The following OTOG variants were observed in gnomAD, a reference collection of about 807,000 sequenced individuals.
OTOG encodes otogelin.
Under a neutral mutation model 313.8 loss-of-function variants are expected in OTOG, and 296 were observed. That is an observed-to-expected ratio of 0.94 (90% CI 0.86 to 1.04). OTOG has a LOEUF of 1.04. Ranked by LOEUF, OTOG falls within the 50% of genes least tolerant of loss-of-function variation. The pLI is 0.00. For synonymous variants in OTOG, 1,533 were observed against 1,554.9 expected, an observed-to-expected ratio of 0.99 and a Z score of 0.33; for missense variants, 3,948 against 3,840.1, an observed-to-expected ratio of 1.03 and a Z score of -0.74.
chr11:17,626,099 T>C (rs943943852), intron 39 of OTOG, among the ~76,000 whole-genome samples: 4 of 152,212 alleles, frequency 2.6e-5, no homozygotes, highest in Admixed American at 2.6e-4. Flanking sequence ...TTGTCGAAAA[T>C]GAGTTCACTG....
In OTOG at chr11:17,569,058, T is replaced by G. The variant is rs1852350567; in HGVS notation, c.1645-98T>G. The G allele has an allele frequency of 2.3e-5, 32 of 1,373,304 alleles. 2 individuals carry two copies. In the South Asian group the frequency reaches 4.4e-4, roughly 19 times the overall value. 85.1% of individuals were successfully genotyped at this position (1,373,304 alleles called of 1,614,324 possible). On this transcript the variant is annotated intron_variant, in intron 15 of 55. Coordinates refer to ENST00000399397, the MANE Select transcript of OTOG (RefSeq NM_001292063.2). ...TGTCTGTCATTCTGAGGAAACTGTC[T>G]CTCAAGCTGGGCTGGGGTCTCTGTC...
At chr11:17,576,798 C>T in intron 21 of OTOG, 70 bp from the exon 22 acceptor site, 1 of 1,529,768 alleles carries the variant, frequency 6.5e-7, no homozygotes, top group South Asian at 1.2e-5. Context: ...GACCCGAGTG[C>T]AGCAACATGG....
chr11:17,639,917 ATGG>A lies in OTOG; in HGVS notation c.7935+466_7935+468del, dbSNP rs150678636. Among the ~76,000 whole-genome samples, 26 of 138,096 alleles carry A rather than the reference ATGG, an allele frequency of 1.9e-4. No homozygotes were observed. The East Asian group carries it at 4.4e-3, about 23-fold the overall frequency. 90.6% of individuals were successfully genotyped at this position (138,096 alleles called of 152,430 possible). On this transcript the variant is annotated intron_variant, in intron 49 of 55. Coordinates refer to ENST00000399397, the MANE Select transcript of OTOG (RefSeq NM_001292063.2). ...GATGATGGTGGTGGTGATGGTGAGG[ATGG>A]TGGTGGTGGTGATGGTGATAATGCA...
At position 17,608,350 on chromosome 11, in the gene OTOG, G is replaced by C; in HGVS notation, c.4211G>C (p.Cys1404Ser). The C allele has an allele frequency of 6.5e-7, 1 of 1,547,758 alleles. No homozygotes were observed. The highest frequency in any genetic ancestry group is 8.7e-7 in the Non-Finnish European group (1 of 1,145,920). ...ATCTGCGAGTGGCGCTACGATGCCT[G>C]TGCCAGCCCCTGCTTCCAAACCTGC... ...YPICEWRYDACASPCFQTCRD... is the reference protein window; with the variant it reads ...YPICEWRYDASASPCFQTCRD... Residue 1404 changes from cysteine (C) to serine (S), a missense_variant, in exon 34 of 56, where the codon TGT becomes TCT. Cys to Ser is a moderately radical substitution (Grantham distance 112, BLOSUM62 -1). Coordinates refer to ENST00000399397, the MANE Select transcript of OTOG (RefSeq NM_001292063.2).
At chr11:17,578,552 C>A in intron 23 of OTOG, 26 bp downstream of exon 23, 3 of 1,500,458 alleles carry the variant, frequency 2.0e-6, no homozygotes, top group Non-Finnish European at 2.7e-6. Context: ...GTCGTGGGCC[C>A]GTGATCCTGA....
chr11:17,633,556 A>T (rs1341096331), intron 42 of OTOG, 124 bp from the exon 43 acceptor site: 15 of 893,890 alleles, frequency 1.7e-5, no homozygotes, highest in Non-Finnish European at 2.5e-5. Flanking sequence ...TAACTTATGC[A>T]CTCTCTGCTG....
In OTOG at chr11:17,593,699, C is replaced by T. The variant is rs1397269620; in HGVS notation, c.3231C>T (p.Ile1077=). 6.5e-7 allele frequency: 1 copy of T among 1,548,966 alleles called. No individual in the cohort carries two copies. The highest frequency in any genetic ancestry group is 1.4e-5 in the African/African-American group (1 of 73,122). ...TGGTGCATTTCCCACAGGAGCACAT[C>T]ACCCTCTTGTGGGACCAGAGAACCA... ...FTLVHFPQEH[I]TLLWDQRTTV... is the part of the protein sequence containing the mutation. Residue 1077 remains isoleucine (I), a synonymous_variant, in exon 27 of 56, where the codon ATC becomes ATT. Coordinates refer to ENST00000399397, the MANE Select transcript of OTOG (RefSeq NM_001292063.2).
intron 34 of OTOG, 49 bp downstream of exon 34, chr11:17,608,462 G>A (rs1853445240): frequency 6.3e-6 from 8 of 1,271,690 alleles, no homozygotes; most frequent in Non-Finnish European, 7.5e-6. Flanking sequence ...GTGCACTAGT[G>A]TGTGTGTGCA....
chr11:17,551,939 T>G, intron 3 of OTOG, 61 bp from the exon 4 acceptor site: 2 of 1,478,260 alleles, frequency 1.4e-6, no homozygotes, highest in Middle Eastern at 1.7e-4. Context: ...CCAGGAAGCC[T>G]GCCTGGGAAC....
chr11:17,602,230 C>A lies in OTOG; in HGVS notation c.3730C>A (p.Gln1244Lys). Reference protein sequence around the residue: ...FNKVLGKGPYQLSSLAAGGAL... With the variant: ...FNKVLGKGPYKLSSLAAGGAL... ...TCCAGTGCTAGGTAAGGGCCCCTAT[C>A]AGCTATCCAGCTTGGCAGCCGGTGG... is the stretch of plus-strand genomic sequence containing the variant. The change falls in exon 32 of 56, where the codon CAG (glutamine) becomes AAG (lysine). Residue 1244 changes from glutamine to lysine, a missense_variant. Transcript: ENST00000399397. The A allele has an allele frequency of 6.4e-7, 1 of 1,550,480 alleles. No individual in the cohort carries two copies. Among genetic ancestry groups the A allele is most frequent in the Admixed American group, 2.0e-5 (1 of 51,008 alleles).
intron 48 of OTOG, 43 bp downstream of exon 48, chr11:17,638,592 T>C: frequency 6.5e-7 from 1 of 1,531,464 alleles, no homozygotes; most frequent in Non-Finnish European, 8.8e-7. Context: ...GGAGATCCAG[T>C]GGCCCTGCTG....
intron 39 of OTOG, among the ~76,000 whole-genome samples, chr11:17,627,840 C>T (rs186046010): frequency 8.1e-4 from 123 of 152,136 alleles, no homozygotes; most frequent in Middle Eastern, 6.8e-3. Context: ...TATCCATTTC[C>T]TCTAGATTTT....
rs771196854 is a variant in OTOG, at chr11:17,578,356, ATCT to A, written c.2606-10_2606-8del. ...CTGAGGCCCCAGGGCCTCCGCTCCC[ATCT>A]TCTTCTCTTCCAGCTGCTGCCTGCC... On this transcript the variant is annotated splice_polypyrimidine_tract_variant and intron_variant, in intron 22 of 55. Transcript: ENST00000399397. 5 of 1,486,826 alleles carry A rather than the reference ATCT, an allele frequency of 3.4e-6. No individual in the cohort carries two copies. Among genetic ancestry groups the A allele is most frequent in the East Asian group, 2.5e-5 (1 of 39,366 alleles). The allele number at this position is 1,486,826 out of a possible 1,614,324, so 92.1% of individuals were successfully genotyped here. A position where few individuals can be genotyped will look rare whatever the true frequency, so the allele number is the denominator to read the frequency against.
At position 17,611,147 on chromosome 11, in the gene OTOG, C is replaced by G. The variant is rs763746787; in HGVS notation, c.5847C>G (p.Pro1949=). 1.3e-6 allele frequency: 2 copies of G among 1,550,474 alleles called. No homozygotes were observed. The highest frequency in any genetic ancestry group is 2.4e-5 in the South Asian group (2 of 84,048). ...CTCTCACGCCCTTGGTGGCTGAGCC[C>G]GAGGGAGCCCAGGCAGGCACAGCTC... ...SHPLTPLVAE[P]EGAQAGTALP... Residue 1949 remains proline, a synonymous_variant, in exon 36 of 56, where the codon CCC becomes CCG. Coordinates refer to ENST00000399397, the MANE Select transcript of OTOG (RefSeq NM_001292063.2).
At chr11:17,644,617 T>C (rs576941540) in intron 54 of OTOG, among the ~76,000 whole-genome samples, 2 of 152,304 alleles carry the variant, frequency 1.3e-5, no homozygotes, top group African/African-American at 2.4e-5. Flanking sequence ...GCCTGACTTA[T>C]GCAATGTGGG....
At chr11:17,645,206 G>A (rs1044751009) in intron 54 of OTOG, among the ~76,000 whole-genome samples, 1 of 152,204 alleles carries the variant, frequency 6.6e-6, no homozygotes, top group Non-Finnish European at 1.5e-5. Flanking sequence ...AGCTCAGAGA[G>A]GGGTAAGGGT....
intron 28 of OTOG, 143 bp downstream of exon 28, chr11:17,594,309 G>A (rs1253925214): frequency 2.7e-6 from 3 of 1,110,950 alleles, no homozygotes; most frequent in Non-Finnish European, 3.8e-6. Flanking sequence ...TGCATCCCTA[G>A]CCCTAGACTC....
intron 23 of OTOG, among the ~76,000 whole-genome samples, chr11:17,581,666 C>T (rs868037275): frequency 3.3e-5 from 5 of 152,046 alleles, no homozygotes; most frequent in Non-Finnish European, 7.4e-5. Flanking sequence ...CTAAGTATAC[C>T]GTGTGTTAGG....
At chr11:17,578,582 C>G in intron 23 of OTOG, 56 bp downstream of exon 23, 1 of 1,471,904 alleles carries the variant, frequency 6.8e-7, no homozygotes, top group Non-Finnish European at 9.0e-7. Context: ...GAACCAAGGG[C>G]CACAGGGTGG....
Sources: gnomAD v4.1 joint callset for allele counts (sites outside exome capture counted in the v4.1 genomes callset) on GRCh38, gnomAD v4.1.1 for gene constraint, MANE v1.5 for transcripts, NCBI Gene and HGNC (gene_info 2026-07-23, HGNC 2026-07-21) for gene names.